The following TFCP2L1 variants were observed in gnomAD, a reference collection of about 807,000 sequenced individuals.
TFCP2L1 encodes the protein transcription factor CP2-like protein 1.
A neutral mutation model predicts 72.2 loss-of-function variants in TFCP2L1; 12 were observed. The ratio of observed to expected loss-of-function variants is 0.17; its 90% CI spans 0.11 to 0.27. The LOEUF is 0.27. Among genes scored for constraint, TFCP2L1 ranks in the 10% least tolerant of loss-of-function variants. TFCP2L1 has a pLI of 1.00. For missense variants in TFCP2L1, 488 were observed against 624.6 expected (o/e 0.78, Z 2.33); for synonymous variants, 260 against 251.0 (o/e 1.04, Z -0.34).
At chr2:121,238,977 G>A (rs148742888) in intron 8 of TFCP2L1, among the ~76,000 whole-genome samples, 1 of 152,188 alleles carries the variant, frequency 6.6e-6, no homozygotes, top group Non-Finnish European at 1.5e-5. Flanking sequence ...CCAGCACAGG[G>A]CATGCAGAGC....
intron 1 of TFCP2L1, 82 bp downstream of exon 1, chr2:121,284,966 C>T: frequency 5.6e-6 from 7 of 1,254,250 alleles, no homozygotes; most frequent in South Asian, 5.5e-5. Context: ...GCAGGGGCGC[C>T]CCCTCTCCGC....
At chr2:121,250,031 TA>T (rs916245638) in intron 2 of TFCP2L1, among the ~76,000 whole-genome samples, 77 of 152,214 alleles carry the variant, frequency 5.1e-4, no homozygotes, top group African/African-American at 1.8e-3. Flanking sequence ...CATTACAGGG[TA>T]AATAACCAAC....
At chr2:121,236,012 C>T (rs150190424) in intron 10 of TFCP2L1, among the ~76,000 whole-genome samples, 37 of 152,254 alleles carry the variant, frequency 2.4e-4, no homozygotes, top group Middle Eastern at 6.8e-3. Flanking sequence ...TGGAATTGAA[C>T]GGTAGGCACT....
rs1685951002 is a variant in TFCP2L1, at chr2:121,222,764, G to A, written c.*1577C>T. 6.6e-6 allele frequency: 1 copy of A among 152,142 alleles called. No homozygotes were observed. Among genetic ancestry groups the A allele is most frequent in the African/African-American group, 2.4e-5 (1 of 41,418 alleles). The allele number at this position is 152,142 out of a possible 1,614,324, so 9.4% of individuals were successfully genotyped here. On this transcript the variant is annotated 3_prime_UTR_variant, in exon 15 of 15. Transcript: ENST00000263707. Reference sequence around the variant, plus strand: ...GTGAATACAATTGGACACTAGCAATGGGTAAACTGAATGGCATGTGAATGA... The same window carrying A: ...GTGAATACAATTGGACACTAGCAATAGGTAAACTGAATGGCATGTGAATGA...
At chr2:121,272,717 CAT>C (rs1323787751) in intron 2 of TFCP2L1, among the ~76,000 whole-genome samples, 1 of 152,162 alleles carries the variant, frequency 6.6e-6, no homozygotes, top group Non-Finnish European at 1.5e-5. Flanking sequence ...CAATGGCTGA[CAT>C]GTGAGTGCTT....
At position 121,254,955 on chromosome 2, in the gene TFCP2L1, A is replaced by G. The variant is rs571896048; in HGVS notation, c.215-5308T>C. On this transcript the variant is annotated intron_variant, in intron 2 of 14. Coordinates refer to ENST00000263707, the MANE Select transcript of TFCP2L1 (RefSeq NM_014553.3). ...AGTAGTCACTCACCTGGCTCTCCAG[A>G]TGAGTGGCACTAGCAGTTAGGATCA... Among the ~76,000 whole-genome samples, 419 of 152,324 alleles carry G rather than the reference A, an allele frequency of 2.8e-3. 2 individuals carry two copies. The highest frequency in any genetic ancestry group is 9.8e-3 in the African/African-American group (409 of 41,580).
Position 121,285,113 on chromosome 2 carries a change from T to C in TFCP2L1, c.-4A>G. 2 of 1,502,944 alleles carry C rather than the reference T, an allele frequency of 1.3e-6. No individual in the cohort carries two copies. Among genetic ancestry groups the C allele is most frequent in the Non-Finnish European group, 1.8e-6 (2 of 1,125,750 alleles). The allele number at this position is 1,502,944 out of a possible 1,614,324, so 93.1% of individuals were successfully genotyped here. ...GCTGCGTGTGCCAGAAGAGCATGGC[T>C]GGAACTCCCAGCGCGCCGACCGGGG... On this transcript the variant is annotated 5_prime_UTR_variant, in exon 1 of 15. Coordinates refer to ENST00000263707, the MANE Select transcript of TFCP2L1 (RefSeq NM_014553.3).
rs771784919 is a variant in TFCP2L1 at position 121,234,166 on chromosome 2, C to T, written c.1123G>A (p.Val375Ile). Residue 375 changes from valine (V) to isoleucine (I), a missense_variant, in exon 12 of 15, where the codon GTC (valine) becomes ATC (isoleucine). Around this residue, in one of 3 missense-constraint regions of TFCP2L1, gnomAD observed 286 missense variants for 329.0 expected, o/e 0.87. Coordinates refer to ENST00000263707, the MANE Select transcript of TFCP2L1 (RefSeq NM_014553.3). ...RNVRPKMTIY[V>I]CQELEQNRVP... is the part of the protein sequence containing the mutation. ...CGATTCTGCTCCAGCTCCTGACAGA[C>T]ATAAATGGTCATCTTTGGCCTCACA... The T allele has an allele frequency of 1.9e-6, 3 of 1,614,186 alleles. No individual in the cohort carries two copies. In the East Asian group the frequency reaches 6.7e-5, roughly 36 times the overall value.
At chr2:121,267,499 C>CTTT (rs113957775) in intron 2 of TFCP2L1, among the ~76,000 whole-genome samples, 169 of 143,188 alleles carry the variant, frequency 1.2e-3, no homozygotes, top group African/African-American at 4.3e-3. Context: ...CATTAAAAAT[C>CTTT]TTTTTTTTTT....
chr2:121,224,596 A>G (rs1484341546), intron 14 of TFCP2L1, among the ~76,000 whole-genome samples: 1 of 152,206 alleles, frequency 6.6e-6, no homozygotes, highest in Non-Finnish European at 1.5e-5. Context: ...TCTTTCTACC[A>G]TAGCCCCAGG....
chr2:121,267,603 C>G (rs1686957999), intron 2 of TFCP2L1, among the ~76,000 whole-genome samples: 1 of 152,028 alleles, frequency 6.6e-6, no homozygotes, highest in Non-Finnish European at 1.5e-5. Flanking sequence ...AAGCGATTCT[C>G]CTGCCTCAGC....
chr2:121,225,191 G>A (rs1423881212), intron 14 of TFCP2L1, among the ~76,000 whole-genome samples: 5 of 151,970 alleles, frequency 3.3e-5, no homozygotes, highest in Admixed American at 6.5e-5. Context: ...GCTCTTCCTC[G>A]GCAGAGCACA....
chr2:121,281,935 G>T (rs74586003), intron 1 of TFCP2L1, among the ~76,000 whole-genome samples: 46 of 100,054 alleles, frequency 4.6e-4, no homozygotes, highest in African/African-American at 7.3e-4. Flanking sequence ...TGTTTTTTTT[G>T]GGCGGGGGCG....
intron 11 of TFCP2L1, 161 bp from the exon 12 acceptor site, chr2:121,234,355 G>T (rs758650777): frequency 2.6e-5 from 17 of 642,304 alleles, no homozygotes; most frequent in Non-Finnish European, 4.3e-5. Context: ...GACCCTCCCA[G>T]GTCCCGCAGC....
At chr2:121,262,389 C>T (rs1407940756) in intron 2 of TFCP2L1, among the ~76,000 whole-genome samples, 3 of 152,164 alleles carry the variant, frequency 2.0e-5, no homozygotes, top group East Asian at 1.9e-4. Context: ...GGCTTGAACC[C>T]GGGAGGCGAG....
intron 2 of TFCP2L1, among the ~76,000 whole-genome samples, chr2:121,279,749 T>A (rs1332528566): frequency 6.6e-6 from 1 of 152,162 alleles, no homozygotes; most frequent in East Asian, 1.9e-4. Context: ...ACACCGCAGC[T>A]CCCCTGCAAT....
rs1053352719 is a variant in TFCP2L1 at position 121,222,752 on chromosome 2, G to A, written c.*1589C>T. 2.0e-5 allele frequency: 3 copies of A among 152,130 alleles called. No homozygotes were observed. The highest frequency in any genetic ancestry group is 7.2e-5 in the African/African-American group (3 of 41,414). 9.4% of individuals were successfully genotyped at this position (152,130 alleles called of 1,614,324 possible). A position where few individuals can be genotyped will look rare whatever the true frequency, so the allele number is the denominator to read the frequency against. On this transcript the variant is annotated 3_prime_UTR_variant, in exon 15 of 15. Transcript: ENST00000263707. ...GATGGTGGTTCTGTGAATACAATTG[G>A]ACACTAGCAATGGGTAAACTGAATG... is the stretch of plus-strand genomic sequence containing the variant.
In TFCP2L1 at chr2:121,216,810, C is replaced by G; in HGVS notation, c.*7531G>C. 1 of 152,286 alleles carries G rather than the reference C, an allele frequency of 6.6e-6. No individual in the cohort carries two copies. Among genetic ancestry groups the G allele is most frequent in the South Asian group, 2.1e-4 (1 of 4,832 alleles). The allele number at this position is 152,286 out of a possible 1,614,324, so 9.4% of individuals were successfully genotyped here. A position where few individuals can be genotyped will look rare whatever the true frequency, so the allele number is the denominator to read the frequency against. On this transcript the variant is annotated 3_prime_UTR_variant, in exon 15 of 15. Transcript: ENST00000263707. The stretch of plus-strand genomic sequence containing the variant: ...ACACCACCCCGACAGATACTCCCAC[C>G]ACCTTTAGAAAAGAGTCACCCAATC...
intron 2 of TFCP2L1, among the ~76,000 whole-genome samples, chr2:121,276,131 T>C (rs1246341106): frequency 6.6e-6 from 1 of 152,146 alleles, no homozygotes; most frequent in Non-Finnish European, 1.5e-5. Flanking sequence ...GTTTGTGACA[T>C]AGGTATACAT....
Sources: gnomAD v4.1 joint callset for allele counts (sites outside exome capture counted in the v4.1 genomes callset) on GRCh38, gnomAD v4.1.1 for gene constraint, gnomAD v4.1.1 regional missense constraint, MANE v1.5 for transcripts, NCBI Gene and HGNC (gene_info 2026-07-23, HGNC 2026-07-21) for gene names.